Variants in FAM47E observed in about 807,000 individuals in gnomAD.
The protein encoded by FAM47E is protein FAM47E.
In FAM47E, 32 loss-of-function variants were observed where a neutral mutation model predicts 41.6. That is an observed-to-expected ratio of 0.77 (90% CI 0.58 to 1.03). The LOEUF is 1.03. Among genes scored for constraint, FAM47E ranks in the 50% least tolerant of loss-of-function variants. The pLI is 0.00. For synonymous variants in FAM47E, 184 were observed against 188.7 expected (o/e 0.98, Z 0.20); for missense variants, 424 against 485.4 (o/e 0.87, Z 1.19).
intron 1 of FAM47E, 57 bp downstream of exon 1, chr4:76,251,877 C>T: frequency 7.4e-7 from 1 of 1,360,182 alleles, no homozygotes; most frequent in Admixed American, 3.8e-5. Flanking sequence ...GCGGGGGCGC[C>T]TGGAGACCCG....
chr4:76,278,652 G>T (rs1735226929), intron 6 of FAM47E: 1 of 189,238 alleles, frequency 5.3e-6, no homozygotes, highest in African/African-American at 2.3e-5. Context: ...TTTCAACCAG[G>T]AAATTTCTTT....
chr4:76,231,892 T>C (rs1390774549), intron 2 of FAM47E, among the ~76,000 whole-genome samples: 1 of 152,224 alleles, frequency 6.6e-6, no homozygotes. Context: ...TGGGATTTTA[T>C]TGGCGCTGCA....
upstream of FAM47E, among the ~76,000 whole-genome samples, chr4:76,249,575 A>AT (rs148694990): frequency 0.013 from 1,975 of 147,980 alleles, 50 homozygotes; most frequent in African/African-American, 0.042. Context: ...TTATTTATTT[A>AT]TTTTTTTTTT....
intron 2 of FAM47E, among the ~76,000 whole-genome samples, chr4:76,220,046 G>C (rs1733282102): frequency 6.6e-6 from 1 of 152,176 alleles, no homozygotes; most frequent in African/African-American, 2.4e-5. Flanking sequence ...GCTATCTTAA[G>C]CAGAACTGTT....
chr4:76,234,450 G>A (rs1270824734), intron 2 of FAM47E: 2 of 152,206 alleles, frequency 1.3e-5, no homozygotes, highest in Non-Finnish European at 2.9e-5. Flanking sequence ...GGGTGAAAAG[G>A]AAGAAAAGGA....
upstream of FAM47E, among the ~76,000 whole-genome samples, chr4:76,250,339 T>C (rs1259475259): frequency 1.3e-5 from 2 of 152,216 alleles, no homozygotes; most frequent in African/African-American, 4.8e-5. Context: ...CATATGTTTG[T>C]TCACCATTTT....
intron 2 of FAM47E, among the ~76,000 whole-genome samples, chr4:76,261,525 C>A (rs145702208): frequency 1.3e-5 from 2 of 152,122 alleles, no homozygotes; most frequent in African/African-American, 4.8e-5. Flanking sequence ...ATCGTAGCGA[C>A]ATGGATGGAA....
intron 2 of FAM47E, among the ~76,000 whole-genome samples, chr4:76,230,479 C>T (rs1295934539): frequency 1.3e-5 from 2 of 152,168 alleles, no homozygotes; most frequent in African/African-American, 4.8e-5. Flanking sequence ...GCCTCACCTG[C>T]CCCTCCCTGT....
At chr4:76,237,359 T>TGG (rs1163177849) in intron 2 of FAM47E, among the ~76,000 whole-genome samples, 1,316 of 116,346 alleles carry the variant, frequency 0.011, 24 homozygotes, top group African/African-American at 0.036. Flanking sequence ...GAGTTTTTTT[T>TGG]TTTTTGTTTG....
chr4:76,263,943 A>AGGCCG, intron 3 of FAM47E, 100 bp downstream of exon 3: 1 of 1,455,798 alleles, frequency 6.9e-7, no homozygotes, highest in Non-Finnish European at 9.1e-7. Context: ...ACTTCTAATG[A>AGGCCG]AGCAAATGTA....
chr4:76,220,424 CA>C (rs1733287878), intron 2 of FAM47E, among the ~76,000 whole-genome samples: 1 of 152,080 alleles, frequency 6.6e-6, no homozygotes, highest in African/African-American at 2.4e-5. Flanking sequence ...ACCAGGAGTT[CA>C]AGACTAGCCT....
chr4:76,267,853 A>C (rs973663972), intron 3 of FAM47E: 6 of 152,224 alleles, frequency 3.9e-5, no homozygotes, highest in African/African-American at 1.4e-4. Flanking sequence ...ACGGAGACAG[A>C]AAAGTAGGTT....
chr4:76,255,921 A>C (rs1734170668), intron 1 of FAM47E, among the ~76,000 whole-genome samples: 1 of 152,150 alleles, frequency 6.6e-6, no homozygotes, highest in South Asian at 2.1e-4. Flanking sequence ...TTTGCAAGGG[A>C]GACCAGTGAG....
chr4:76,276,637 G>A (rs1385637556), intron 5 of FAM47E, among the ~76,000 whole-genome samples: 4 of 152,094 alleles, frequency 2.6e-5, no homozygotes, highest in Admixed American at 6.5e-5. Flanking sequence ...TGCTGTGCCC[G>A]GCCCAGGGTT....
At chr4:76,227,500 A>C (rs1279553555) in intron 2 of FAM47E, among the ~76,000 whole-genome samples, 1 of 152,218 alleles carries the variant, frequency 6.6e-6, no homozygotes, top group Non-Finnish European at 1.5e-5. Flanking sequence ...CTGATGACAA[A>C]AATGAATATT....
Position 76,217,814 on chromosome 4 carries a change from T to C in FAM47E, c.81+126T>C, listed in dbSNP as rs548119109. 9.9e-6 allele frequency: 4 copies of C among 403,122 alleles called. No homozygotes were observed. In the South Asian group the frequency reaches 3.7e-4, roughly 37 times the overall value. 25.0% of individuals were successfully genotyped at this position (403,122 alleles called of 1,614,324 possible). Reference sequence around the variant, plus strand: ...TTTATCTGAGAAGAACAAGTACACTTAATGAATGATTGCTGGTGCCTGTTG... The same window carrying C: ...TTTATCTGAGAAGAACAAGTACACTCAATGAATGATTGCTGGTGCCTGTTG... On this transcript the variant is annotated intron_variant, in intron 2 of 7. Transcript: ENST00000510197.
intron 2 of FAM47E, among the ~76,000 whole-genome samples, chr4:76,222,428 A>T (rs1733325735): frequency 6.6e-6 from 1 of 152,214 alleles, no homozygotes; most frequent in South Asian, 2.1e-4. Context: ...GGGTTTCACC[A>T]TGTTGGCCAG....
chr4:76,251,451 G>C (rs1733959964), upstream of FAM47E, among the ~76,000 whole-genome samples: 1 of 152,056 alleles, frequency 6.6e-6, no homozygotes. Flanking sequence ...TTGAAACGAT[G>C]ATGAGCAAAA....
At chr4:76,229,685 A>G (rs12506229) in intron 2 of FAM47E, among the ~76,000 whole-genome samples, 8,054 of 152,190 alleles carry the variant, frequency 0.053, 250 homozygotes, top group Middle Eastern at 0.088. Flanking sequence ...CTGTGATGTG[A>G]TCCATCTTCA....
Sources: gnomAD v4.1 joint callset for allele counts (sites outside exome capture counted in the v4.1 genomes callset) on GRCh38, gnomAD v4.1.1 for gene constraint, MANE v1.5 for transcripts, NCBI Gene and HGNC (gene_info 2026-07-23, HGNC 2026-07-21) for gene names.